Variants in MARK3 observed in about 807,000 individuals in gnomAD.
MARK3 encodes microtubule affinity regulating kinase 3, also known as MAP/microtubule affinity-regulating kinase 3.
A neutral mutation model predicts 90.1 loss-of-function variants in MARK3; 46 were observed. That is an observed-to-expected ratio of 0.51 (90% confidence interval 0.40 to 0.65). The LOEUF is 0.65. Ranked by LOEUF, MARK3 falls within the 30% of genes least tolerant of loss-of-function variation. The pLI, the probability that MARK3 is intolerant of heterozygous loss-of-function variation, is 0.00. For synonymous variants in MARK3, 321 were observed against 332.6 expected (o/e 0.97, Z 0.38); for missense variants, 818 against 947.2 (o/e 0.86, Z 1.79).
chr14:103,413,024 A>C (rs1381706773), intron 2 of MARK3, among the ~76,000 whole-genome samples: 2 of 151,512 alleles, frequency 1.3e-5, no homozygotes, highest in Non-Finnish European at 2.9e-5. Flanking sequence ...ACAGGCATGC[A>C]CCACCATGCC....
In MARK3 at chr14:103,395,308, A is replaced by G. The variant is rs894115918; in HGVS notation, c.51+9228A>G. Among the ~76,000 whole-genome samples the G allele has an allele frequency of 2.0e-5, 3 of 152,152 alleles. No individual in the cohort carries two copies. The East Asian group carries it at 5.8e-4, about 29-fold the overall frequency. On this transcript the variant is annotated intron_variant, in intron 1 of 17. Transcript: ENST00000429436. The stretch of plus-strand genomic sequence containing the variant: ...AGTCTTGAGATTTAACTGTGGACAA[A>G]TTCACTCGGCTGTGCCTCATGGTTT...
intron 6 of MARK3, among the ~76,000 whole-genome samples, chr14:103,460,103 T>TTTTTTTTTG (rs1338684666): frequency 9.1e-6 from 1 of 110,480 alleles, no homozygotes; most frequent in African/African-American, 3.7e-5. Context: ...TTTTTTTTTT[T>TTTTTTTTTG]TGAGACAAAT....
Position 103,503,205 on chromosome 14 carries a change from T to C in MARK3, c.2240T>C (p.Ile747Thr), listed in dbSNP as rs1365086062. The change falls in exon 18 of 18, where the codon ATT becomes ACT. Residue 747 changes from isoleucine (I) to threonine (T), a missense_variant. By Grantham distance (89) the Ile-to-Thr change is moderately conservative. This residue lies in a region of MARK3 where 560 missense variants were observed against 613.5 expected (regional missense o/e 0.91). Transcript: ENST00000429436. ...GCCTTCAAAAATATTGCTTCCAAAA[T>C]TGCCAATGAGCTAAAGCTGTAACCC... ...SIAFKNIASK[I>T]ANELKL 6.2e-7 allele frequency: 1 copy of C among 1,611,060 alleles called. No homozygotes were observed. Among genetic ancestry groups the C allele is most frequent in the Non-Finnish European group, 8.5e-7 (1 of 1,177,496 alleles).
At chr14:103,485,063 C>CCAAAAAA (rs748997012) in intron 14 of MARK3, among the ~76,000 whole-genome samples, 1 of 97,750 alleles carries the variant, frequency 1.0e-5, no homozygotes, top group East Asian at 2.7e-4. Context: ...ACTAAAAATA[C>CCAAAAAA]AAAAAAAAAA....
chr14:103,417,076 GAGTCAGCAT>G (rs2140912470), intron 2 of MARK3, among the ~76,000 whole-genome samples: 1 of 152,310 alleles, frequency 6.6e-6, no homozygotes, highest in East Asian at 1.9e-4. Context: ...AAAGTGGGAA[GAGTCAGCAT>G]GGCGTTGTGC....
intron 1 of MARK3, among the ~76,000 whole-genome samples, chr14:103,398,749 T>A (rs980479504): frequency 6.6e-6 from 1 of 152,252 alleles, no homozygotes; most frequent in Non-Finnish European, 1.5e-5. Context: ...GCCTAGCTGC[T>A]TTCAAAAGTG....
At chr14:103,477,671 CT>C (rs1043761216) in intron 13 of MARK3, among the ~76,000 whole-genome samples, 2 of 151,934 alleles carry the variant, frequency 1.3e-5, no homozygotes, top group African/African-American at 4.8e-5. Flanking sequence ...AGTTTCAGAA[CT>C]TTTTCAGCTC....
In MARK3 at chr14:103,454,129, CAT is replaced by C. The variant is rs1343570857; in HGVS notation, c.412+2147_412+2148del. 3.9e-5 allele frequency among the ~76,000 whole-genome samples: 6 copies of C among 152,300 alleles called. No homozygotes were observed. The East Asian group carries it at 5.8e-4, about 15-fold the overall frequency. ...ATTGGCCATGTGACCTGGCAAGTAA[CAT>C]GTGCTGAGCTGAGCTTCACGGTGAG... On this transcript the variant is annotated intron_variant, in intron 5 of 17. Coordinates refer to ENST00000429436, the MANE Select transcript of MARK3 (RefSeq NM_001128918.3).
intron 6 of MARK3, among the ~76,000 whole-genome samples, chr14:103,461,814 A>G (rs2093406298): frequency 6.6e-6 from 1 of 152,126 alleles, no homozygotes; most frequent in African/African-American, 2.4e-5. Flanking sequence ...AGACTGGCGG[A>G]TCACCTGAGG....
chr14:103,476,425 G>A (rs8012127), intron 13 of MARK3, among the ~76,000 whole-genome samples: 43,444 of 151,988 alleles, frequency 0.29, 7,304 homozygotes, highest in Non-Finnish European at 0.36. Context: ...TGAAAAAAAA[G>A]TTGGGTAATT....
chr14:103,412,559 T>C, intron 2 of MARK3: 1 of 630,722 alleles, frequency 1.6e-6, no homozygotes, highest in Non-Finnish European at 2.8e-6. Context: ...AGTGCTGCTG[T>C]TCCCCCAGGA....
At position 103,498,533 on chromosome 14, in the gene MARK3, G is replaced by T; in HGVS notation, c.1871+5G>T. ...GTCATTCAGGTTTATCAAAAGGTAG[G>T]ATTTATATATACACATTTATTTTTC... On this transcript the variant is annotated splice_donor_5th_base_variant and intron_variant, in intron 16 of 17. Coordinates refer to ENST00000429436, the MANE Select transcript of MARK3 (RefSeq NM_001128918.3). 1 of 1,361,392 alleles carries T rather than the reference G, an allele frequency of 7.3e-7. No individual in the cohort carries two copies. Among genetic ancestry groups the T allele is most frequent in the Non-Finnish European group, 9.5e-7 (1 of 1,052,972 alleles). 84.3% of individuals were successfully genotyped at this position (1,361,392 alleles called of 1,614,324 possible).
At chr14:103,492,360 G>A (rs2094031518) in intron 15 of MARK3, among the ~76,000 whole-genome samples, 1 of 152,036 alleles carries the variant, frequency 6.6e-6, no homozygotes, top group Admixed American at 6.6e-5. Flanking sequence ...TCTGGTGTGG[G>A]GTGGGGGGCT....
rs575340739 is a variant in MARK3 at position 103,405,097 on chromosome 14, C to T, written c.73C>T (p.Arg25Cys). ...TENHTSHGDGRQEVTSRTSRS... is the reference protein window; with the variant it reads ...TENHTSHGDGCQEVTSRTSRS... ...GCAGCACACGTCACATGGAGATGGGCGTCAAGAAGTTACCTCTCGTACCAG... is the reference window on the plus strand; with the variant it reads ...GCAGCACACGTCACATGGAGATGGGTGTCAAGAAGTTACCTCTCGTACCAG... Residue 25 changes from arginine to cysteine, a missense_variant, in exon 2 of 18, where the codon CGT becomes TGT. Coordinates refer to ENST00000429436, the MANE Select transcript of MARK3 (RefSeq NM_001128918.3). The T allele has an allele frequency of 6.2e-7, 1 of 1,613,854 alleles. No individual in the cohort carries two copies. The highest frequency in any genetic ancestry group is 8.5e-7 in the Non-Finnish European group (1 of 1,179,910).
At chr14:103,449,943 AG>A (rs3837596) in intron 4 of MARK3, among the ~76,000 whole-genome samples, 27,805 of 152,170 alleles carry the variant, frequency 0.18, 3,090 homozygotes, top group East Asian at 0.47. Context: ...AGAATGCATC[AG>A]GCACAAGAAT....
At chr14:103,403,515 G>C (rs1247412233) in intron 1 of MARK3, among the ~76,000 whole-genome samples, 9 of 152,110 alleles carry the variant, frequency 5.9e-5, no homozygotes, top group Non-Finnish European at 1.2e-4. Flanking sequence ...TTGAGTAGCA[G>C]TTTTGTACCA....
intron 1 of MARK3, among the ~76,000 whole-genome samples, chr14:103,391,568 G>A (rs1305920554): frequency 2.0e-5 from 3 of 150,294 alleles, no homozygotes; most frequent in African/African-American, 4.9e-5. Flanking sequence ...AATTGAGATG[G>A]AGTCTTGCTC....
intron 4 of MARK3, among the ~76,000 whole-genome samples, chr14:103,450,654 G>T (rs967115332): frequency 1.3e-5 from 2 of 152,116 alleles, no homozygotes; most frequent in Non-Finnish European, 1.5e-5. Flanking sequence ...GGAATGGTAT[G>T]ATAGCTTTAT....
At chr14:103,466,249 T>C (rs1198301663) in intron 9 of MARK3, 94 bp from the exon 10 acceptor site, 18 of 1,294,578 alleles carry the variant, frequency 1.4e-5, no homozygotes, top group Non-Finnish European at 1.9e-5. Flanking sequence ...CTTTGAACGA[T>C]AGTCAATGAA....
Sources: allele counts gnomAD v4.1 joint callset (sites outside exome capture counted in the v4.1 genomes callset), GRCh38; gene constraint gnomAD v4.1.1; regional missense constraint gnomAD v4.1.1; transcripts MANE v1.5; gene names NCBI Gene and HGNC (gene_info 2026-07-23, HGNC 2026-07-21).